The following SYCP1 variants were observed in gnomAD, a reference collection of about 807,000 sequenced individuals.
The protein encoded by SYCP1 is synaptonemal complex protein 1, also known as cancer/testis antigen 8.
In SYCP1, 64 loss-of-function variants were observed where a neutral mutation model predicts 153.1. That is an observed-to-expected ratio of 0.42 (90% CI 0.34 to 0.51). The LOEUF (loss-of-function observed/expected upper bound fraction) is 0.51. Ranked by LOEUF, SYCP1 falls within the 20% of genes least tolerant of loss-of-function variation. SYCP1 has a pLI of 0.06. For synonymous variants in SYCP1, 384 were observed against 341.8 expected (o/e 1.12, Z -1.36); for missense variants, 997 against 1,049.0 (o/e 0.95, Z 0.68).
At position 114,923,590 on chromosome 1, in the gene SYCP1, T is replaced by C. The variant is rs1014422743; in HGVS notation, c.1800+60T>C. On this transcript the variant is annotated intron_variant, in intron 21 of 31. Coordinates refer to ENST00000369522, the MANE Select transcript of SYCP1 (RefSeq NM_003176.4). ...ATTTCAAATTATAAAAGCAACACCA[T>C]ATGTCTAAACTAAAATAAAGGGAAG... The C allele has an allele frequency of 6.2e-6, 9 of 1,440,794 alleles. No homozygotes were observed. In the African/African-American group the frequency reaches 1.3e-4, roughly 21 times the overall value. The allele number at this position is 1,440,794 out of a possible 1,614,324, so 89.3% of individuals were successfully genotyped here.
chr1:114,859,794 A>G lies in SYCP1; in HGVS notation c.508A>G (p.Lys170Glu), dbSNP rs780195220. The G allele has an allele frequency of 6.6e-6, 5 of 752,296 alleles. No individual in the cohort carries two copies. Among genetic ancestry groups the G allele is most frequent in the Non-Finnish European group, 5.7e-6 (3 of 524,004 alleles). The allele number at this position is 752,296 out of a possible 1,614,324, so 46.6% of individuals were successfully genotyped here. ...ATTAGAAGAAGGAATACAAGAAAAT[A>G]AAGATTTAATAAAAGAGTAAGTAGT... ...LKLEEGIQEN[K>E]DLIKENNATR... The change falls in exon 7 of 32, where the codon AAA becomes GAA. Residue 170 changes from lysine (K) to glutamate (E), a missense_variant. Lys to Glu is a moderately conservative substitution (Grantham distance 56). Around this residue, in one of 2 missense-constraint regions of SYCP1, gnomAD observed 285 missense variants for 366.1 expected, o/e 0.78. Transcript: ENST00000369522.
intron 12 of SYCP1, among the ~76,000 whole-genome samples, chr1:114,881,518 T>TCCTTCCTTCCTTCCTTCCTA (rs1381575695): frequency 6.6e-6 from 1 of 150,902 alleles, no homozygotes; most frequent in Non-Finnish European, 1.5e-5. Context: ...CTTCCTTCCT[T>TCCTTCCTTCCTTCCTTCCTA]CCTTCCTTCC....
At chr1:114,962,020 C>T (rs376979718) in intron 27 of SYCP1, among the ~76,000 whole-genome samples, 2 of 149,396 alleles carry the variant, frequency 1.3e-5, no homozygotes, top group South Asian at 4.3e-4. Flanking sequence ...CCTTTTTGCC[C>T]AGGCTGGAGT....
intron 15 of SYCP1, among the ~76,000 whole-genome samples, chr1:114,891,840 A>G (rs1013100754): frequency 6.6e-6 from 1 of 152,192 alleles, no homozygotes; most frequent in African/African-American, 2.4e-5. Context: ...GAGGAATGTA[A>G]CAGACATGGT....
intron 16 of SYCP1, among the ~76,000 whole-genome samples, chr1:114,900,219 T>C (rs1667334398): frequency 6.6e-6 from 1 of 152,318 alleles, no homozygotes; most frequent in South Asian, 2.1e-4. Flanking sequence ...TTTAACTTTA[T>C]TTTATCTAAT....
intron 29 of SYCP1, among the ~76,000 whole-genome samples, chr1:114,981,981 C>G (rs547007264): frequency 1.4e-4 from 22 of 152,030 alleles, no homozygotes; most frequent in African/African-American, 4.1e-4. Context: ...TAGTCCTTGG[C>G]AGTCATCTTG....
chr1:114,967,586 A>T (rs993974595), intron 27 of SYCP1, among the ~76,000 whole-genome samples: 1 of 152,140 alleles, frequency 6.6e-6, no homozygotes, highest in Non-Finnish European at 1.5e-5. Context: ...TTTGCACGTG[A>T]GATGGGTCTC....
Position 114,926,573 on chromosome 1 carries a change from A to G in SYCP1, c.1926+10A>G, listed in dbSNP as rs778905623. 11 of 1,584,264 alleles carry G rather than the reference A, an allele frequency of 6.9e-6. No homozygotes were observed. The highest frequency in any genetic ancestry group is 8.6e-6 in the Non-Finnish European group (10 of 1,166,918). ...TGTTTATGAGATAAAGGTATTTGGCATCTTTATTTTTGTTTTTTAAATACT... is the reference window on the plus strand; with the variant it reads ...TGTTTATGAGATAAAGGTATTTGGCGTCTTTATTTTTGTTTTTTAAATACT... On this transcript the variant is annotated intron_variant, in intron 23 of 31. Transcript: ENST00000369522.
At chr1:114,905,153 G>A (rs1200838270) in intron 16 of SYCP1, among the ~76,000 whole-genome samples, 6 of 152,012 alleles carry the variant, frequency 3.9e-5, no homozygotes, top group Non-Finnish European at 8.8e-5. Flanking sequence ...CTTTTCTTTT[G>A]CTATCTGTGT....
At chr1:114,865,416 A>G (rs1386598513) in intron 8 of SYCP1, among the ~76,000 whole-genome samples, 1 of 152,008 alleles carries the variant, frequency 6.6e-6, no homozygotes, top group Non-Finnish European at 1.5e-5. Context: ...TTATTTGTTT[A>G]TTTTCTAACA....
chr1:114,951,460 A>T (rs1671100383), intron 27 of SYCP1, among the ~76,000 whole-genome samples: 1 of 152,224 alleles, frequency 6.6e-6, no homozygotes, highest in African/African-American at 2.4e-5. Flanking sequence ...CTTAAGATAG[A>T]TATTTCTTTA....
chr1:114,940,715 C>T lies in SYCP1; in HGVS notation c.1927-3624C>T, dbSNP rs887637239. 2.6e-5 allele frequency among the ~76,000 whole-genome samples: 4 copies of T among 152,012 alleles called. No homozygotes were observed. The South Asian group carries it at 8.3e-4, about 32-fold the overall frequency. ...TATGGGGTCACTTTTTGTAAACATC[C>T]CTTACATACATGAAAATAATGTATA... On this transcript the variant is annotated intron_variant, in intron 23 of 31. Coordinates refer to ENST00000369522, the MANE Select transcript of SYCP1 (RefSeq NM_003176.4).
At chr1:114,895,580 G>T in intron 16 of SYCP1, 71 bp downstream of exon 16, 1 of 784,878 alleles carries the variant, frequency 1.3e-6, no homozygotes, top group Non-Finnish European at 1.9e-6. Flanking sequence ...TTAACTTATA[G>T]ACTCTCACAC....
intron 23 of SYCP1, among the ~76,000 whole-genome samples, chr1:114,940,643 G>A (rs180782881): frequency 3.3e-5 from 5 of 152,248 alleles, no homozygotes; most frequent in Admixed American, 2.6e-4. Flanking sequence ...ACTCTGGTAT[G>A]ACTTTAGTAC....
intron 11 of SYCP1, among the ~76,000 whole-genome samples, chr1:114,877,503 T>C (rs1305495416): frequency 1.3e-5 from 2 of 152,222 alleles, no homozygotes; most frequent in Non-Finnish European, 2.9e-5. Flanking sequence ...GGATATCTAC[T>C]TAATAATTTA....
intron 30 of SYCP1, among the ~76,000 whole-genome samples, chr1:114,986,649 A>G (rs1673524576): frequency 6.6e-6 from 1 of 152,030 alleles, no homozygotes; most frequent in Non-Finnish European, 1.5e-5. Context: ...TTATGTAGTT[A>G]AATTTTGAAC....
At chr1:114,866,070 T>G (rs916894092) in intron 8 of SYCP1, among the ~76,000 whole-genome samples, 33 of 152,176 alleles carry the variant, frequency 2.2e-4, no homozygotes, top group Admixed American at 3.9e-4. Context: ...CACAGCTTAT[T>G]TATCCATTCA....
chr1:114,971,681 C>A (rs1358032887), intron 27 of SYCP1, among the ~76,000 whole-genome samples: 1 of 152,084 alleles, frequency 6.6e-6, no homozygotes, highest in African/African-American at 2.4e-5. Flanking sequence ...TTTTCAGCAT[C>A]AATTGAAATG....
At position 114,859,599 on chromosome 1, in the gene SYCP1, C is replaced by T. The variant is rs1664243900; in HGVS notation, c.457-144C>T. 3 of 343,462 alleles carry T rather than the reference C, an allele frequency of 8.7e-6. No individual in the cohort carries two copies. The South Asian group carries it at 1.8e-4, about 20-fold the overall frequency. 21.3% of individuals were successfully genotyped at this position (343,462 alleles called of 1,614,324 possible). A position where few individuals can be genotyped will look rare whatever the true frequency, so the allele number is the denominator to read the frequency against. On this transcript the variant is annotated intron_variant, in intron 6 of 31. Coordinates refer to ENST00000369522, the MANE Select transcript of SYCP1 (RefSeq NM_003176.4). ...TCTTAAGGGAAATCATAAGCTATTA[C>T]AAAAATGTTTCCTTTTTATGTGGAA... is the stretch of plus-strand genomic sequence containing the variant.
Sources: allele counts gnomAD v4.1 joint callset (sites outside exome capture counted in the v4.1 genomes callset), GRCh38; gene constraint gnomAD v4.1.1; regional missense constraint gnomAD v4.1.1; transcripts MANE v1.5; gene names NCBI Gene and HGNC (gene_info 2026-07-23, HGNC 2026-07-21).